FGD3: variants seen among roughly 807,000 people sequenced by gnomAD.
The protein encoded by FGD3 is FYVE, RhoGEF and PH domain containing 3, also known as FYVE, RhoGEF and PH domain-containing protein 3.
FGD3 carries 45 observed loss-of-function variants against 71.8 expected under a neutral mutation model. That is an observed-to-expected ratio of 0.63 (90% CI 0.49 to 0.80). The LOEUF (loss-of-function observed/expected upper bound fraction) is 0.80. FGD3 is among the 30% of genes least tolerant of loss of function. The pLI, the probability that FGD3 is intolerant of heterozygous loss-of-function variation, is 0.00. For synonymous variants in FGD3, 378 were observed against 392.8 expected, an observed-to-expected ratio of 0.96 and a Z score of 0.44; for missense variants, 844 against 951.5, an observed-to-expected ratio of 0.89 and a Z score of 1.49.
chr9:93,006,075 G>A lies in FGD3; in HGVS notation c.732G>A (p.Leu244=). Residue 244 remains leucine, a synonymous_variant, in exon 6 of 18, where the codon CTG becomes CTA. Coordinates refer to ENST00000375482, the MANE Select transcript of FGD3 (RefSeq NM_001083536.2). The part of the protein sequence containing the change: ...GDILQKLAPF[L]KMYGEYVKNF... The stretch of plus-strand genomic sequence containing the variant: ...TCCTGCAGAAGCTGGCCCCATTCCT[G>A]AAGATGTACGGCGAGTATGTCAAGA... The A allele has an allele frequency of 6.2e-7, 1 of 1,613,130 alleles. No individual in the cohort carries two copies. The highest frequency in any genetic ancestry group is 8.5e-7 in the Non-Finnish European group (1 of 1,179,622).
chr9:92,986,734 A>C (rs964803868), intron 3 of FGD3, among the ~76,000 whole-genome samples: 3 of 152,248 alleles, frequency 2.0e-5, no homozygotes, highest in African/African-American at 7.2e-5. Flanking sequence ...AGCCACTGGA[A>C]AACTTGGCCC....
intron 1 of FGD3, among the ~76,000 whole-genome samples, 165 bp downstream of exon 1, chr9:92,947,894 T>A (rs114111229): frequency 6.6e-6 from 1 of 152,076 alleles, no homozygotes; most frequent in Non-Finnish European, 1.5e-5. Flanking sequence ...GCCTGGTGTA[T>A]ACTTTGAAGA....
chr9:93,023,795 C>CTTTTTTTT lies in FGD3; in HGVS notation c.1557+1425_1557+1432dup, dbSNP rs569058583. On this transcript the variant is annotated intron_variant, in intron 14 of 17. Coordinates refer to ENST00000375482, the MANE Select transcript of FGD3 (RefSeq NM_001083536.2). ...ATGACAGGAACCCGCCCATCAGCAA[C>CTTTTTTTT]TTTTTTTTTTTTTTTTTTTTTTTTT... Among the ~76,000 whole-genome samples, 22 of 107,684 alleles carry CTTTTTTTT rather than the reference C, an allele frequency of 2.0e-4. 2 individuals carry two copies. The highest frequency in any genetic ancestry group is 1.2e-3 in the South Asian group (4 of 3,298). 70.6% of individuals were successfully genotyped at this position (107,684 alleles called of 152,430 possible).
chr9:93,010,207 G>A lies in FGD3; in HGVS notation c.838-39G>A, dbSNP rs371249174. On this transcript the variant is annotated intron_variant, in intron 6 of 17. Coordinates refer to ENST00000375482, the MANE Select transcript of FGD3 (RefSeq NM_001083536.2). ...GCCGGTGGGGCTGGCATCCACACACGTGTCCTTGGAGTGCCCAATGCTCCC... is the reference window on the plus strand; with the variant it reads ...GCCGGTGGGGCTGGCATCCACACACATGTCCTTGGAGTGCCCAATGCTCCC... The A allele has an allele frequency of 5.1e-5, 80 of 1,566,388 alleles. No homozygotes were observed. In the African/African-American group the frequency reaches 8.1e-4, roughly 16 times the overall value.
chr9:92,952,385 C>T (rs901331264), intron 1 of FGD3, among the ~76,000 whole-genome samples: 6 of 152,108 alleles, frequency 3.9e-5, no homozygotes, highest in Admixed American at 2.6e-4. Flanking sequence ...TACAGGCACC[C>T]GCCACCACGC....
At chr9:92,953,929 G>GA (rs986177765) in intron 1 of FGD3, among the ~76,000 whole-genome samples, 4 of 152,296 alleles carry the variant, frequency 2.6e-5, no homozygotes, top group Non-Finnish European at 2.9e-5. Context: ...AACAGACATG[G>GA]AGACAGCTGG....
chr9:93,002,093 G>C lies in FGD3; in HGVS notation c.454-832G>C, dbSNP rs527449656. 2.0e-5 allele frequency among the ~76,000 whole-genome samples: 3 copies of C among 152,304 alleles called. No homozygotes were observed. The South Asian group carries it at 6.2e-4, about 32-fold the overall frequency. Reference sequence around the variant, plus strand: ...AATTACCCAGTCTCAGGCATTTTCAGTGAAAACTTCCATAGTGATGATTTC... The same window carrying C: ...AATTACCCAGTCTCAGGCATTTTCACTGAAAACTTCCATAGTGATGATTTC... On this transcript the variant is annotated intron_variant, in intron 3 of 17. Coordinates refer to ENST00000375482, the MANE Select transcript of FGD3 (RefSeq NM_001083536.2).
intron 3 of FGD3, among the ~76,000 whole-genome samples, chr9:92,988,990 A>T (rs576133890): frequency 6.6e-6 from 1 of 152,304 alleles, no homozygotes; most frequent in Non-Finnish European, 1.5e-5. Flanking sequence ...GGGTCTCTGC[A>T]AGCACAGCCC....
intron 1 of FGD3, among the ~76,000 whole-genome samples, chr9:92,963,024 C>T (rs1381709355): frequency 6.6e-6 from 1 of 151,986 alleles, no homozygotes; most frequent in African/African-American, 2.4e-5. Context: ...GCTCAGGTGA[C>T]ACTGTCCACC....
intron 3 of FGD3, among the ~76,000 whole-genome samples, chr9:93,001,153 C>G (rs1860842744): frequency 6.6e-6 from 1 of 152,010 alleles, no homozygotes; most frequent in Non-Finnish European, 1.5e-5. Flanking sequence ...GTTTCTATCT[C>G]TTTGTTGATA....
At chr9:93,032,962 C>A (rs1454415723) in intron 16 of FGD3, 89 bp downstream of exon 16, 1 of 1,265,424 alleles carries the variant, frequency 7.9e-7, no homozygotes, top group Non-Finnish European at 1.2e-6. Context: ...CCAGCTGCCT[C>A]TGCTTTCGGA....
chr9:93,034,723 A>G (rs1486797819), intron 17 of FGD3, 42 bp downstream of exon 17: 1 of 1,593,908 alleles, frequency 6.3e-7, no homozygotes, highest in South Asian at 1.1e-5. Context: ...CCAGCAGCCC[A>G]GAGCCTCAGG....
At chr9:93,006,816 T>C (rs1476462843) in intron 6 of FGD3, among the ~76,000 whole-genome samples, 1 of 151,720 alleles carries the variant, frequency 6.6e-6, no homozygotes, top group East Asian at 1.9e-4. Flanking sequence ...AACCTCTGCC[T>C]CCAGGGTTTA....
intron 14 of FGD3, among the ~76,000 whole-genome samples, chr9:93,024,664 G>A (rs1564169791): frequency 6.6e-6 from 1 of 152,244 alleles, no homozygotes; most frequent in East Asian, 1.9e-4. Context: ...AGAAGTGGGT[G>A]GAGGCCACGT....
At chr9:92,980,467 TC>T (rs1859945544) in intron 3 of FGD3, among the ~76,000 whole-genome samples, 1 of 152,186 alleles carries the variant, frequency 6.6e-6, no homozygotes, top group Non-Finnish European at 1.5e-5. Flanking sequence ...ATAGGTCTGA[TC>T]TTTATTACTT....
chr9:93,023,415 A>G (rs1000077724), intron 14 of FGD3, among the ~76,000 whole-genome samples: 6 of 152,204 alleles, frequency 3.9e-5, no homozygotes, highest in African/African-American at 9.7e-5. Flanking sequence ...GGGGGCTTGC[A>G]CATACATCCC....
chr9:92,994,551 G>T (rs1860553106), intron 3 of FGD3, among the ~76,000 whole-genome samples: 1 of 152,178 alleles, frequency 6.6e-6, no homozygotes, highest in Admixed American at 6.5e-5. Flanking sequence ...CCTTGCCCAT[G>T]CTTATGGCCT....
intron 9 of FGD3, among the ~76,000 whole-genome samples, chr9:93,015,464 T>TA (rs1042165836): frequency 6.6e-6 from 1 of 151,514 alleles, no homozygotes; most frequent in Non-Finnish European, 1.5e-5. Context: ...CTCAAAAAAA[T>TA]AAAAAAAGGT....
chr9:93,022,860 C>T (rs1171634002), intron 14 of FGD3, among the ~76,000 whole-genome samples: 1 of 152,186 alleles, frequency 6.6e-6, no homozygotes, highest in East Asian at 1.9e-4. Context: ...GCCTAAGCCT[C>T]CCTGCCTCTC....
Sources: allele counts gnomAD v4.1 joint callset (sites outside exome capture counted in the v4.1 genomes callset), GRCh38; gene constraint gnomAD v4.1.1; transcripts MANE v1.5; gene names NCBI Gene and HGNC (gene_info 2026-07-23, HGNC 2026-07-21).